The following PRKCI variants were observed in gnomAD, a reference collection of about 807,000 sequenced individuals.
The protein encoded by PRKCI is protein kinase C iota type.
In PRKCI, 43 loss-of-function variants were observed where a neutral mutation model predicts 84.0. The observed-to-expected ratio is 0.51, with a 90% confidence interval of 0.40 to 0.66. The LOEUF (loss-of-function observed/expected upper bound fraction) is 0.66, where lower values mean the gene tolerates loss of function less well. Ranked by LOEUF, PRKCI falls within the 30% of genes least tolerant of loss-of-function variation. The probability of loss-of-function intolerance (pLI) is 0.00; values close to 1 mark genes in which losing one functional copy is unlikely to be tolerated. For missense variants in PRKCI, 459 were observed against 745.6 expected, an observed-to-expected ratio of 0.62 and a Z score of 4.48; for synonymous variants, 216 against 234.4, an observed-to-expected ratio of 0.92 and a Z score of 0.72.
rs891303734 is a variant in PRKCI at position 170,284,614 on chromosome 3, G to C, written c.1203+18G>C. 6.2e-7 allele frequency: 1 copy of C among 1,604,254 alleles called. No individual in the cohort carries two copies. The highest frequency in any genetic ancestry group is 8.5e-7 in the Non-Finnish European group (1 of 1,177,458). Reference sequence around the variant, plus strand: ...TGTGTAAGGTGAGGAAAATTTTCTAGTTATTTTAAAAGGTCTTCAGCAGCT... The same window carrying C: ...TGTGTAAGGTGAGGAAAATTTTCTACTTATTTTAAAAGGTCTTCAGCAGCT... On this transcript the variant is annotated intron_variant, in intron 12 of 17. Transcript: ENST00000295797.
Position 170,284,449 on chromosome 3 carries a change from A to ATT in PRKCI, c.1068-10_1068-9dup. ...GGTTGAATCAAATGACTTATTTTTT[A>ATT]TTTAATTTTAGATTTTACTCTGCAG... On this transcript the variant is annotated splice_polypyrimidine_tract_variant and intron_variant, in intron 11 of 17. Coordinates refer to ENST00000295797, the MANE Select transcript of PRKCI (RefSeq NM_002740.6). 6.5e-7 allele frequency: 1 copy of ATT among 1,536,398 alleles called. No individual in the cohort carries two copies. Among genetic ancestry groups the ATT allele is most frequent in the East Asian group, 2.3e-5 (1 of 44,294 alleles).
chr3:170,288,629 A>G (rs150992887), intron 12 of PRKCI, among the ~76,000 whole-genome samples: 2,578 of 152,020 alleles, frequency 0.017, 46 homozygotes, highest in East Asian at 0.086. Context: ...AGTGCCTGTA[A>G]TCCCAGCTAC....
At chr3:170,280,133 C>T in intron 8 of PRKCI, 94 bp from the exon 9 acceptor site, 1 of 1,100,948 alleles carries the variant, frequency 9.1e-7, no homozygotes, top group Non-Finnish European at 1.2e-6. Context: ...AGGAAAATAT[C>T]TTTAAATCGT....
At chr3:170,270,630 T>A in intron 6 of PRKCI, 69 bp downstream of exon 6, 1 of 1,477,488 alleles carries the variant, frequency 6.8e-7, no homozygotes, top group Non-Finnish European at 9.0e-7. Context: ...TATAACAGAG[T>A]GCTAAAATAG....
intron 1 of PRKCI, among the ~76,000 whole-genome samples, chr3:170,227,590 C>A (rs1304065560): frequency 6.6e-6 from 1 of 152,170 alleles, no homozygotes; most frequent in South Asian, 2.1e-4. Context: ...TAAACAACCA[C>A]ATGGTAAGTT....
intron 2 of PRKCI, among the ~76,000 whole-genome samples, chr3:170,247,413 T>A (rs1733312675): frequency 6.6e-6 from 1 of 151,718 alleles, no homozygotes; most frequent in Non-Finnish European, 1.5e-5. Flanking sequence ...GTTATGTCTA[T>A]TCCTATTACT....
chr3:170,300,827 A>G (rs1734802138), intron 17 of PRKCI, among the ~76,000 whole-genome samples: 1 of 152,096 alleles, frequency 6.6e-6, no homozygotes, highest in African/African-American at 2.4e-5. Flanking sequence ...TGATTAATGT[A>G]AAGCATTTGG....
chr3:170,237,751 G>A (rs914546530), intron 2 of PRKCI, among the ~76,000 whole-genome samples: 1 of 152,136 alleles, frequency 6.6e-6, no homozygotes, highest in African/African-American at 2.4e-5. Context: ...TTTTAAAACA[G>A]TGTTCCTGAA....
At chr3:170,270,187 TAGAA>T (rs553618120) in intron 5 of PRKCI, among the ~76,000 whole-genome samples, 8 of 152,208 alleles carry the variant, frequency 5.3e-5, no homozygotes, top group East Asian at 1.9e-4. Context: ...TTCTTAGACT[TAGAA>T]AGAAATGTGG....
intron 2 of PRKCI, among the ~76,000 whole-genome samples, chr3:170,255,357 G>C (rs1577352849): frequency 6.6e-6 from 1 of 152,084 alleles, no homozygotes; most frequent in Non-Finnish European, 1.5e-5. Flanking sequence ...ACCGCGCCTG[G>C]CTGAGATCTT....
At chr3:170,275,167 G>A in intron 7 of PRKCI, 62 bp from the exon 8 acceptor site, 1 of 1,395,576 alleles carries the variant, frequency 7.2e-7, no homozygotes. Flanking sequence ...ATTAATGGTT[G>A]CTGTTTTTTT....
intron 17 of PRKCI, 96 bp from the exon 18 acceptor site, chr3:170,302,944 A>G (rs898988343): frequency 1.8e-5 from 14 of 788,626 alleles, no homozygotes; most frequent in African/African-American, 7.2e-5. Context: ...TTTCAGTACA[A>G]TTAGCCTAAT....
chr3:170,233,726 AC>A (rs1732862135), intron 1 of PRKCI, among the ~76,000 whole-genome samples: 1 of 151,666 alleles, frequency 6.6e-6, no homozygotes, highest in Non-Finnish European at 1.5e-5. Flanking sequence ...CTATACTTAA[AC>A]TTTTTTTTTT....
intron 8 of PRKCI, among the ~76,000 whole-genome samples, chr3:170,278,157 A>G (rs1339350941): frequency 6.6e-6 from 1 of 152,102 alleles, no homozygotes; most frequent in Non-Finnish European, 1.5e-5. Flanking sequence ...CTATCATTTC[A>G]TTCAGCCTTA....
chr3:170,247,730 C>CAAAAAAAAAAA (rs72411481), intron 2 of PRKCI, among the ~76,000 whole-genome samples: 12 of 27,910 alleles, frequency 4.3e-4, no homozygotes, highest in African/African-American at 1.4e-3. Context: ...AACTCTGTCT[C>CAAAAAAAAAAA]AAAAAAAAAA....
chr3:170,235,394 T>G, intron 2 of PRKCI, 43 bp downstream of exon 2: 1 of 1,594,654 alleles, frequency 6.3e-7, no homozygotes, highest in Non-Finnish European at 8.6e-7. Flanking sequence ...CATTTTAAGA[T>G]CTTATTCTAT....
intron 10 of PRKCI, 104 bp from the exon 11 acceptor site, chr3:170,281,778 G>T: frequency 7.0e-7 from 1 of 1,429,090 alleles, no homozygotes; most frequent in Non-Finnish European, 9.2e-7. Flanking sequence ...CTTTTTAAAG[G>T]CTAAATAGTA....
At chr3:170,235,566 C>CTT (rs199938459) in intron 2 of PRKCI, among the ~76,000 whole-genome samples, 4 of 136,228 alleles carry the variant, frequency 2.9e-5, no homozygotes, top group South Asian at 2.3e-4. Context: ...ATTAACTTGA[C>CTT]TTTTTTTTTT....
intron 12 of PRKCI, among the ~76,000 whole-genome samples, chr3:170,288,213 T>A (rs905821052): frequency 5.3e-5 from 8 of 151,740 alleles, no homozygotes; most frequent in African/African-American, 1.9e-4. Context: ...GCCACTGCAT[T>A]CCAGCCTGGG....
Sources: allele counts gnomAD v4.1 joint callset (sites outside exome capture counted in the v4.1 genomes callset), GRCh38; gene constraint gnomAD v4.1.1; transcripts MANE v1.5; gene names NCBI Gene and HGNC (gene_info 2026-07-23, HGNC 2026-07-21).